Variants in ALG13 observed in about 807,000 individuals in gnomAD.
ALG13 encodes the protein UDP-N-acetylglucosamine transferase subunit ALG13.
ALG13 carries 11 observed loss-of-function variants against 87.8 expected under a neutral mutation model. The ratio of observed to expected loss-of-function variants is 0.13; its 90% CI spans 0.08 to 0.21. The LOEUF is 0.21. ALG13 is among the 10% of genes least tolerant of loss of function. The pLI, the probability that ALG13 is intolerant of heterozygous loss-of-function variation, is 1.00. For missense variants in ALG13, 756 were observed against 866.1 expected (o/e 0.87, Z 1.60); for synonymous variants, 320 against 306.3 (o/e 1.04, Z -0.47).
intron 3 of ALG13, chrX:111,689,645 C>T (rs932625184): frequency 1.4e-5 from 10 of 737,173 alleles, no homozygotes; most frequent in African/African-American, 7.0e-5. Flanking sequence ...TGATTTGGCA[C>T]GGATTCTTGA....
intron 1 of ALG13, chrX:111,681,824 C>T: frequency 1.2e-6 from 1 of 863,134 alleles, no homozygotes; most frequent in Non-Finnish European, 1.4e-6. Flanking sequence ...CGCAGTTGAT[C>T]AAGTGAGGCA....
At chrX:111,730,504 T>C in intron 20 of ALG13, 21 bp from the exon 21 acceptor site, 2 of 1,195,591 alleles carry the variant, frequency 1.7e-6, no homozygotes, top group Non-Finnish European at 2.3e-6. Flanking sequence ...GCTCATTTTT[T>C]ACTTTGGCTA....
At chrX:111,714,647 A>T (rs892619833) in intron 8 of ALG13, among the ~76,000 whole-genome samples, 6 of 111,750 alleles carry the variant, frequency 5.4e-5, no homozygotes, top group Admixed American at 2.8e-4. Flanking sequence ...ATGTTCAAAC[A>T]TACAGAAAAG....
intron 1 of ALG13, 87 bp downstream of exon 1, chrX:111,681,386 C>T: frequency 8.4e-7 from 1 of 1,185,661 alleles, no homozygotes; most frequent in Admixed American, 2.3e-5. Flanking sequence ...CTTGCCTGAC[C>T]GTCGCGCTCG....
chrX:111,724,681 G>GCA (rs1941773945), intron 14 of ALG13, among the ~76,000 whole-genome samples: 1 of 112,063 alleles, frequency 8.9e-6, no homozygotes, highest in Non-Finnish European at 1.9e-5. Flanking sequence ...CTCCAAGGAG[G>GCA]CACAGCAAAT....
chrX:111,755,462 G>A (rs777035906), intron 25 of ALG13, among the ~76,000 whole-genome samples: 9 of 112,143 alleles, frequency 8.0e-5, no homozygotes, highest in East Asian at 2.8e-4. Flanking sequence ...AAGAGCTTCT[G>A]CACAGAAAAA....
At chrX:111,738,722 A>G (rs1943470550) in intron 23 of ALG13, among the ~76,000 whole-genome samples, 1 of 110,127 alleles carries the variant, frequency 9.1e-6, no homozygotes, top group Admixed American at 9.7e-5. Context: ...GTTTTTGTAG[A>G]GACAGGGTCT....
intron 25 of ALG13, among the ~76,000 whole-genome samples, chrX:111,755,137 C>T (rs1163185983): frequency 8.9e-6 from 1 of 111,812 alleles, no homozygotes; most frequent in Non-Finnish European, 1.9e-5. Flanking sequence ...ACATCTACAA[C>T]CATCTGATCT....
In ALG13 at chrX:111,728,170, G is replaced by C. The variant is rs139711892; in HGVS notation, c.2248-15G>C. 92 of 1,208,485 alleles carry C rather than the reference G, an allele frequency of 7.6e-5. No homozygotes were observed. In the African/African-American group the frequency reaches 1.2e-3, roughly 16 times the overall value. ...ATAGTGAGAACTGCAGTGTGTGTGT[G>C]TCTCTCTGATACAGAATCATGGAGG... On this transcript the variant is annotated splice_polypyrimidine_tract_variant and intron_variant, in intron 18 of 26. Coordinates refer to ENST00000394780, the MANE Select transcript of ALG13 (RefSeq NM_001099922.3).
At chrX:111,713,328 A>AGT in intron 8 of ALG13, 31 bp downstream of exon 8, 6 of 990,774 alleles carry the variant, frequency 6.1e-6, no homozygotes, top group Non-Finnish European at 8.5e-6. Flanking sequence ...TGACTTATAT[A>AGT]AAAGAAGTTG....
At chrX:111,731,860 A>G (rs1290260073) in intron 21 of ALG13, among the ~76,000 whole-genome samples, 1 of 111,802 alleles carries the variant, frequency 8.9e-6, no homozygotes, top group Non-Finnish European at 1.9e-5. Flanking sequence ...AGAGCCATGC[A>G]TTTTGGACAT....
chrX:111,739,897 A>G (rs760057331), intron 23 of ALG13, among the ~76,000 whole-genome samples: 13 of 112,378 alleles, frequency 1.2e-4, no homozygotes, highest in South Asian at 3.7e-4. Context: ...GAATATTTCT[A>G]TCATCACAAA....
chrX:111,690,332 G>GAA (rs1935909083), intron 3 of ALG13: 3 of 750,127 alleles, frequency 4.0e-6, no homozygotes, highest in Admixed American at 8.9e-5. Flanking sequence ...GTTTAGCATT[G>GAA]GGAAATTTGC....
At position 111,730,439 on chromosome X, in the gene ALG13, C is replaced by A. The variant is rs150294098; in HGVS notation, c.2401+12C>A. 1,648 of 1,203,679 alleles carry A rather than the reference C, an allele frequency of 1.4e-3. 12 individuals carry two copies. In the African/African-American group the frequency reaches 0.025, roughly 18 times the overall value. Reference sequence around the variant, plus strand: ...TCTTTATCGTGCAGGTCAGTAAGATCTAGAAGTGATCTGGCATTCATCATT... The same window carrying A: ...TCTTTATCGTGCAGGTCAGTAAGATATAGAAGTGATCTGGCATTCATCATT... On this transcript the variant is annotated intron_variant, in intron 20 of 26. Transcript: ENST00000394780.
chrX:111,759,368 G>A (rs1234148213), intron 26 of ALG13, among the ~76,000 whole-genome samples: 2 of 110,481 alleles, frequency 1.8e-5, no homozygotes, highest in Non-Finnish European at 3.8e-5. Flanking sequence ...ATGGTTATTC[G>A]GATGATGTAT....
intron 8 of ALG13, 101 bp downstream of exon 8, chrX:111,713,398 T>C (rs955685385): frequency 5.9e-5 from 32 of 544,795 alleles, no homozygotes; most frequent in Non-Finnish European, 7.6e-5. Flanking sequence ...ATGAAAAGCA[T>C]AGTCTGAATG....
chrX:111,709,685 C>CTT (rs900487376), intron 5 of ALG13, among the ~76,000 whole-genome samples: 32 of 97,011 alleles, frequency 3.3e-4, no homozygotes, highest in African/African-American at 1.1e-3. Context: ...GCTTCCTTTT[C>CTT]TTTTTTTTTT....
Position 111,730,505 on chromosome X carries a change from A to G in ALG13, c.2402-20A>G, listed in dbSNP as rs935945283. On this transcript the variant is annotated intron_variant, in intron 20 of 26. Coordinates refer to ENST00000394780, the MANE Select transcript of ALG13 (RefSeq NM_001099922.3). Reference sequence around the variant, plus strand: ...AGCTATAAAATAATGCTCATTTTTTACTTTGGCTATATTCTCTAGAGCCAG... The same window carrying G: ...AGCTATAAAATAATGCTCATTTTTTGCTTTGGCTATATTCTCTAGAGCCAG... 1.7e-6 allele frequency: 2 copies of G among 1,193,757 alleles called. No homozygotes were observed. The highest frequency in any genetic ancestry group is 2.3e-5 in the Admixed American group (1 of 44,024).
At chrX:111,685,247 C>T in intron 3 of ALG13, 144 bp downstream of exon 3, 1 of 649,450 alleles carries the variant, frequency 1.5e-6, no homozygotes, top group Non-Finnish European at 2.3e-6. Flanking sequence ...GCTGTAAAAT[C>T]CTCCCATTTG....
Sources: allele counts gnomAD v4.1 joint callset (sites outside exome capture counted in the v4.1 genomes callset), GRCh38; gene constraint gnomAD v4.1.1; transcripts MANE v1.5; gene names NCBI Gene and HGNC (gene_info 2026-07-23, HGNC 2026-07-21).